Variants in WWOX observed in about 807,000 individuals in gnomAD.
WWOX encodes WW domain-containing oxidoreductase.
A neutral mutation model predicts 46.2 loss-of-function variants in WWOX; 69 were observed. That is an observed-to-expected ratio of 1.49 (90% confidence interval 1.23 to 1.82). The LOEUF (loss-of-function observed/expected upper bound fraction) is 1.82. WWOX is among the 40% of genes most tolerant of loss of function. The probability of loss-of-function intolerance (pLI) is 0.00; values close to 1 mark genes in which losing one functional copy is unlikely to be tolerated. For synonymous variants in WWOX, 359 were observed against 202.6 expected, an observed-to-expected ratio of 1.77 and a Z score of -6.56; for missense variants, 919 against 542.6, an observed-to-expected ratio of 1.69 and a Z score of -6.89.
intron 8 of WWOX, among the ~76,000 whole-genome samples, chr16:79,005,180 G>T (rs1338167904): frequency 6.6e-6 from 1 of 152,050 alleles, no homozygotes; most frequent in African/African-American, 2.4e-5. Flanking sequence ...TTGAATGCAG[G>T]CCTGATGTTT....
intron 8 of WWOX, among the ~76,000 whole-genome samples, chr16:78,965,823 G>C (rs1040345083): frequency 6.6e-6 from 1 of 152,132 alleles, no homozygotes; most frequent in South Asian, 2.1e-4. Flanking sequence ...TTGATTATTT[G>C]TTTGATTCTA....
intron 8 of WWOX, among the ~76,000 whole-genome samples, chr16:78,482,016 C>G (rs1420542563): frequency 2.6e-5 from 4 of 152,142 alleles, no homozygotes; most frequent in Non-Finnish European, 5.9e-5. Flanking sequence ...ATACACATTT[C>G]AAGGACTTAA....
At chr16:79,015,784 G>C (rs771137037) in intron 8 of WWOX, among the ~76,000 whole-genome samples, 6 of 151,576 alleles carry the variant, frequency 4.0e-5, no homozygotes, top group South Asian at 2.1e-4. Flanking sequence ...ACAGACTGTC[G>C]CTCTGTCGCC....
chr16:78,815,289 C>T (rs1445740848), intron 8 of WWOX, among the ~76,000 whole-genome samples: 2 of 151,096 alleles, frequency 1.3e-5, no homozygotes, highest in African/African-American at 4.9e-5. Flanking sequence ...TGTGCCACTG[C>T]ACTCCAGCCT....
chr16:78,164,097 T>A, intron 4 of WWOX, 86 bp from the exon 5 acceptor site: 1 of 1,250,852 alleles, frequency 8.0e-7, no homozygotes. Flanking sequence ...TGGGGTAATT[T>A]AAGTGGTGCT....
At chr16:78,524,141 T>A (rs929049590) in intron 8 of WWOX, among the ~76,000 whole-genome samples, 1 of 152,210 alleles carries the variant, frequency 6.6e-6, no homozygotes, top group East Asian at 1.9e-4. Context: ...CTCTGATGTG[T>A]TTGGGTTGAT....
intron 8 of WWOX, among the ~76,000 whole-genome samples, chr16:79,126,823 T>G (rs74034989): frequency 0.023 from 3,467 of 152,184 alleles, 148 homozygotes; most frequent in African/African-American, 0.079. Context: ...CTATAGGACA[T>G]GCAAAGCCAC....
chr16:79,115,618 T>G (rs2049500882), intron 8 of WWOX, among the ~76,000 whole-genome samples: 2 of 152,118 alleles, frequency 1.3e-5, no homozygotes, highest in South Asian at 4.1e-4. Context: ...GATCTAAGTG[T>G]GATATGAGAG....
At chr16:78,232,986 C>T (rs1487578040) in intron 5 of WWOX, among the ~76,000 whole-genome samples, 1 of 152,108 alleles carries the variant, frequency 6.6e-6, no homozygotes, top group Non-Finnish European at 1.5e-5. Flanking sequence ...GGACTACAGG[C>T]GTGCGCCACC....
chr16:78,785,610 G>C (rs2050436761), intron 8 of WWOX, among the ~76,000 whole-genome samples: 1 of 152,164 alleles, frequency 6.6e-6, no homozygotes, highest in African/African-American at 2.4e-5. Flanking sequence ...GAGATAGTCA[G>C]TTTTTACCAA....
chr16:78,177,974 G>A (rs905948413), intron 5 of WWOX, among the ~76,000 whole-genome samples: 1 of 152,184 alleles, frequency 6.6e-6, no homozygotes, highest in African/African-American at 2.4e-5. Flanking sequence ...CCTGTTGTGA[G>A]GACCATTAAC....
intron 6 of WWOX, among the ~76,000 whole-genome samples, chr16:78,405,473 C>G (rs1028097094): frequency 6.6e-6 from 1 of 152,180 alleles, no homozygotes; most frequent in Non-Finnish European, 1.5e-5. Context: ...ACTGGCCACC[C>G]AAGCTGATAC....
intron 6 of WWOX, among the ~76,000 whole-genome samples, chr16:78,406,303 A>AATATATATATATATATAT (rs532594425): frequency 1.7e-5 from 1 of 57,844 alleles, no homozygotes; most frequent in Admixed American, 3.0e-4. Context: ...TATAAATATA[A>AATATATATATATATATAT]ATATATATAT....
Position 78,594,429 on chromosome 16 carries a change from G to GCCTCCCCCCCCCCCCCCC in WWOX, c.1056+161679_1056+161680insTCCCCCCCCCCCCCCCCC, listed in dbSNP as rs1171391505. On this transcript the variant is annotated intron_variant, in intron 8 of 8. Coordinates refer to ENST00000566780, the MANE Select transcript of WWOX (RefSeq NM_016373.4). Reference sequence around the variant, plus strand: ...TCTTGACGAAGAAGACTGAGGAAAGGCCCCCCCCCCCCCCCCGCCAAATTG... The same window carrying GCCTCCCCCCCCCCCCCCC: ...TCTTGACGAAGAAGACTGAGGAAAGGCCTCCCCCCCCCCCCCCCCCCCCCCCCCCCCCCCGCCAAATTG... 6.2e-5 allele frequency among the ~76,000 whole-genome samples: 2 copies of GCCTCCCCCCCCCCCCCCC among 32,392 alleles called. 1 individual carries two copies. The highest frequency in any genetic ancestry group is 1.2e-3 in the Admixed American group (2 of 1,624). The allele number at this position is 32,392 out of a possible 152,430, so 21.3% of individuals were successfully genotyped here.
chr16:78,756,364 G>A (rs1261058448), intron 8 of WWOX, among the ~76,000 whole-genome samples: 1 of 152,150 alleles, frequency 6.6e-6, no homozygotes, highest in South Asian at 2.1e-4. Context: ...GGGAGCCAGG[G>A]TGAAGGCGGT....
intron 8 of WWOX, among the ~76,000 whole-genome samples, chr16:79,063,940 C>G (rs970122648): frequency 2.0e-5 from 3 of 152,226 alleles, no homozygotes; most frequent in East Asian, 3.9e-4. Flanking sequence ...TTTCAGTTAA[C>G]CAGAATGTTG....
rs199715254 is a variant in WWOX, at chr16:78,386,895, C to T, written c.552C>T (p.Leu184=). 338 of 1,614,114 alleles carry T rather than the reference C, an allele frequency of 2.1e-4. 1 individual carries two copies. Among genetic ancestry groups the T allele is most frequent in the Middle Eastern group, 3.3e-4 (2 of 6,062 alleles). Residue 184 remains leucine, a synonymous_variant, in exon 6 of 9, where the codon CTC becomes CTT. Coordinates refer to ENST00000566780, the MANE Select transcript of WWOX (RefSeq NM_016373.4). ...AGGTAGAAGCAATGACCCTGGACCTCGCTCTGCTCCGTAGCGTGCAGCATT... is the reference window on the plus strand; with the variant it reads ...AGGTAGAAGCAATGACCCTGGACCTTGCTCTGCTCCGTAGCGTGCAGCATT... ...KAKVEAMTLD[L]ALLRSVQHFA...
intron 5 of WWOX, among the ~76,000 whole-genome samples, chr16:78,173,130 T>C (rs922648900): frequency 1.3e-5 from 2 of 152,232 alleles, no homozygotes; most frequent in African/African-American, 4.8e-5. Context: ...TTAAGGTTTA[T>C]TTTAGACAAA....
intron 8 of WWOX, among the ~76,000 whole-genome samples, chr16:78,660,206 T>C (rs952813108): frequency 6.6e-6 from 1 of 152,182 alleles, no homozygotes; most frequent in Non-Finnish European, 1.5e-5. Flanking sequence ...TATAAAATAT[T>C]GTCAGCAGGA....
Sources: allele counts gnomAD v4.1 joint callset (sites outside exome capture counted in the v4.1 genomes callset), GRCh38; gene constraint gnomAD v4.1.1; transcripts MANE v1.5; gene names NCBI Gene and HGNC (gene_info 2026-07-23, HGNC 2026-07-21).